Variants in ZFR observed in about 807,000 individuals in gnomAD.
The protein encoded by ZFR is zinc finger RNA-binding protein.
ZFR carries 19 observed loss-of-function variants against 130.7 expected under a neutral mutation model. That is an observed-to-expected ratio of 0.15 (90% CI 0.10 to 0.21). The LOEUF is 0.21. Among genes scored for constraint, ZFR ranks in the 10% least tolerant of loss-of-function variants. ZFR has a pLI of 1.00. For synonymous variants in ZFR, 466 were observed against 456.9 expected (o/e 1.02, Z -0.25); for missense variants, 872 against 1,321.5 (o/e 0.66, Z 5.27).
chr5:32,372,902 A>G lies in ZFR; in HGVS notation c.2835+6213T>C, dbSNP rs79543958. Among the ~76,000 whole-genome samples, 1,029 of 152,286 alleles carry G rather than the reference A, an allele frequency of 6.8e-3. 14 individuals carry two copies. The highest frequency in any genetic ancestry group is 0.024 in the African/African-American group (977 of 41,560). ...GAAGTTAAAAAATTAAGAGGTATAC[A>G]TTATACCTTGTTGAGAGCAGATCTC... On this transcript the variant is annotated intron_variant, in intron 17 of 19. Transcript: ENST00000265069.
Position 32,366,735 on chromosome 5 carries a change from G to T in ZFR, c.2836-2460C>A, listed in dbSNP as rs187955188. On this transcript the variant is annotated intron_variant, in intron 17 of 19. Transcript: ENST00000265069. ...TCAAATTAAGGATTACAACACTTCAGGTTTTGATGTAAAGGGTCTTGGAGG... is the reference window on the plus strand; with the variant it reads ...TCAAATTAAGGATTACAACACTTCATGTTTTGATGTAAAGGGTCTTGGAGG... Among the ~76,000 whole-genome samples, 47 of 152,058 alleles carry T rather than the reference G, an allele frequency of 3.1e-4. No homozygotes were observed. The East Asian group carries it at 5.8e-3, about 19-fold the overall frequency.
Position 32,395,314 on chromosome 5 carries a change from TA to T in ZFR, c.1834-11del. The T allele has an allele frequency of 6.5e-7, 1 of 1,533,332 alleles. No individual in the cohort carries two copies. 95.0% of individuals were successfully genotyped at this position (1,533,332 alleles called of 1,614,324 possible). A position where few individuals can be genotyped will look rare whatever the true frequency, so the allele number is the denominator to read the frequency against. On this transcript the variant is annotated splice_polypyrimidine_tract_variant and intron_variant, in intron 10 of 19. Coordinates refer to ENST00000265069, the MANE Select transcript of ZFR (RefSeq NM_016107.5). ...CTGGATTTACTTTTTTCTATTAATA[TA>T]AATAAGACATTTAAAAAACAGCAGC...
chr5:32,361,779 C>T (rs562431448), intron 19 of ZFR, among the ~76,000 whole-genome samples: 9 of 152,162 alleles, frequency 5.9e-5, no homozygotes, highest in African/African-American at 1.4e-4. Context: ...CATGCCACCA[C>T]GCCCGGCTAA....
intron 17 of ZFR, chr5:32,365,034 A>G (rs942033008): frequency 6.6e-6 from 1 of 152,174 alleles, no homozygotes; most frequent in Non-Finnish European, 1.5e-5. Flanking sequence ...CAACCCCTAA[A>G]TCACTTCCAG....
intron 2 of ZFR, among the ~76,000 whole-genome samples, chr5:32,429,020 C>G (rs1754140150): frequency 6.8e-6 from 1 of 146,250 alleles, no homozygotes; most frequent in Non-Finnish European, 1.5e-5. Flanking sequence ...GAGTCTTGCT[C>G]TGTCGCCCAG....
At chr5:32,365,392 A>G (rs1752520150) in intron 17 of ZFR, among the ~76,000 whole-genome samples, 1 of 152,182 alleles carries the variant, frequency 6.6e-6, no homozygotes, top group Admixed American at 6.5e-5. Context: ...AGAGATGAGA[A>G]TTTAAAGAAA....
At chr5:32,384,783 G>A (rs879283933) in intron 15 of ZFR, among the ~76,000 whole-genome samples, 2 of 152,122 alleles carry the variant, frequency 1.3e-5, no homozygotes, top group Non-Finnish European at 2.9e-5. Context: ...AGTCCCTAAA[G>A]CAACATTGCT....
chr5:32,403,883 G>A (rs1350527761), intron 7 of ZFR, 23 bp downstream of exon 7: 1 of 1,555,060 alleles, frequency 6.4e-7, no homozygotes, highest in Non-Finnish European at 8.7e-7. Flanking sequence ...AGGCATAAGG[G>A]TGTGTGGGAA....
chr5:32,393,904 T>A (rs1414705244), intron 11 of ZFR, among the ~76,000 whole-genome samples: 2 of 152,198 alleles, frequency 1.3e-5, no homozygotes, highest in East Asian at 3.9e-4. Flanking sequence ...AAAAAGTGCC[T>A]CAAGGAGGGT....
At chr5:32,396,212 CAA>C (rs1468587633) in intron 10 of ZFR, among the ~76,000 whole-genome samples, 30 of 128,634 alleles carry the variant, frequency 2.3e-4, no homozygotes, top group Admixed American at 3.2e-4. Context: ...GGCCCTATCT[CAA>C]AAAAAAAAAA....
chr5:32,364,311 A>G, intron 17 of ZFR, 36 bp from the exon 18 acceptor site: 3 of 1,492,670 alleles, frequency 2.0e-6, no homozygotes, highest in Non-Finnish European at 2.7e-6. Flanking sequence ...TTAACAGCTT[A>G]CCAAAGGAAT....
chr5:32,439,629 G>C (rs1173213694), intron 2 of ZFR, among the ~76,000 whole-genome samples: 1 of 151,780 alleles, frequency 6.6e-6, no homozygotes, highest in Non-Finnish European at 1.5e-5. Context: ...TATAAATAAA[G>C]AAAAAGTGGC....
intron 2 of ZFR, 27 bp downstream of exon 2, chr5:32,444,202 A>G (rs775342027): frequency 6.3e-7 from 1 of 1,592,558 alleles, no homozygotes; most frequent in Non-Finnish European, 8.5e-7. Context: ...GCAAGGGGCG[A>G]ACAGAGAGAA....
In ZFR at chr5:32,414,965, T is replaced by C; in HGVS notation, c.784+4A>G. 6.2e-7 allele frequency: 1 copy of C among 1,611,524 alleles called. No homozygotes were observed. The highest frequency in any genetic ancestry group is 8.5e-7 in the Non-Finnish European group (1 of 1,178,240). On this transcript the variant is annotated splice_donor_region_variant and intron_variant, in intron 5 of 19. Transcript: ENST00000265069. ...CTCATTTAAACACAGTTTATCAGTC[T>C]TACCAGAATATGTAACTGCTGTGGT... is the stretch of plus-strand genomic sequence containing the variant.
chr5:32,436,158 T>C (rs1212462420), intron 2 of ZFR, among the ~76,000 whole-genome samples: 3 of 115,874 alleles, frequency 2.6e-5, no homozygotes, highest in Non-Finnish European at 5.7e-5. Context: ...TTTTTTTTTT[T>C]TTTTTTTTGA....
intron 6 of ZFR, among the ~76,000 whole-genome samples, chr5:32,406,000 G>A (rs1425704085): frequency 2.0e-5 from 3 of 152,162 alleles, no homozygotes; most frequent in Non-Finnish European, 4.4e-5. Flanking sequence ...AGCTAGTAGA[G>A]AGTCAAAATT....
intron 11 of ZFR, among the ~76,000 whole-genome samples, chr5:32,391,326 C>A (rs150944702): frequency 2.6e-5 from 4 of 152,122 alleles, no homozygotes; most frequent in African/African-American, 9.7e-5. Flanking sequence ...GGTCTTGTAA[C>A]GTAACCCCCT....
At chr5:32,395,379 C>A in intron 10 of ZFR, 75 bp from the exon 11 acceptor site, 1 of 1,204,956 alleles carries the variant, frequency 8.3e-7, no homozygotes, top group Non-Finnish European at 1.1e-6. Context: ...CATACAATTA[C>A]ACTTATTCTT....
intron 15 of ZFR, among the ~76,000 whole-genome samples, chr5:32,384,196 G>GT (rs1752988486): frequency 6.6e-6 from 1 of 152,088 alleles, no homozygotes; most frequent in African/African-American, 2.4e-5. Flanking sequence ...CATTTATAAT[G>GT]TATCATATTA....
Sources: gnomAD v4.1 joint callset for allele counts (sites outside exome capture counted in the v4.1 genomes callset) on GRCh38, gnomAD v4.1.1 for gene constraint, MANE v1.5 for transcripts, NCBI Gene and HGNC (gene_info 2026-07-23, HGNC 2026-07-21) for gene names.